NEDD9: variants seen among roughly 807,000 people sequenced by gnomAD.
The protein encoded by NEDD9 is neural precursor cell expressed, developmentally down-regulated 9.
A neutral mutation model predicts 76.6 loss-of-function variants in NEDD9; 26 were observed. The ratio of observed to expected loss-of-function variants is 0.34; its 90% CI spans 0.25 to 0.47. NEDD9 has a LOEUF of 0.47. NEDD9 is among the 20% of genes least tolerant of loss of function. The probability of loss-of-function intolerance (pLI) is 1.00; values close to 1 mark genes in which losing one functional copy is unlikely to be tolerated. For synonymous variants in NEDD9, 392 were observed against 414.2 expected (o/e 0.95, Z 0.65); for missense variants, 937 against 1,058.5 (o/e 0.89, Z 1.59).
At chr6:11,347,302 C>T (rs1421978968) in intron 1 of NEDD9, among the ~76,000 whole-genome samples, 1 of 151,806 alleles carries the variant, frequency 6.6e-6, no homozygotes, top group Non-Finnish European at 1.5e-5. Context: ...TCCTACAAAC[C>T]AAAAAAAGCC....
At chr6:11,319,648 CACATGCCACACACTA>C (rs1196054471) in intron 2 of NEDD9, among the ~76,000 whole-genome samples, 1 of 144,424 alleles carries the variant, frequency 6.9e-6, no homozygotes, top group African/African-American at 2.5e-5. Flanking sequence ...TGCACACTCA[CACATGCCACACACTA>C]ACATGCACAC....
At chr6:11,255,235 C>A (rs1277920988) in intron 3 of NEDD9, among the ~76,000 whole-genome samples, 5 of 152,158 alleles carry the variant, frequency 3.3e-5, no homozygotes, top group Non-Finnish European at 5.9e-5. Flanking sequence ...ACAGAACCAC[C>A]AAAGAGATGG....
Position 11,185,182 on chromosome 6 carries a change from G to C in NEDD9, c.2485C>G (p.Leu829Val), listed in dbSNP as rs147485494. The C allele has an allele frequency of 2.2e-5, 36 of 1,611,978 alleles. No individual in the cohort carries two copies. The African/African-American group carries it at 4.1e-4, about 19-fold the overall frequency. Residue 829 changes from leucine to valine, a missense_variant, in exon 7 of 7, where the codon CTG becomes GTG. Leu to Val is a conservative substitution (Grantham distance 32). Coordinates refer to ENST00000379446, the MANE Select transcript of NEDD9 (RefSeq NM_006403.4). Reference sequence around the variant, plus strand: ...TCTTCTCAGAACGTTGCCATCTCCAGCAAAGAGCGCTTGAACAGCTGGGCA... The same window carrying C: ...TCTTCTCAGAACGTTGCCATCTCCACCAAAGAGCGCTTGAACAGCTGGGCA... ...RNAQLFKRSL[L>V]EMATF
At chr6:11,197,016 G>A (rs992423376) in intron 2 of NEDD9, among the ~76,000 whole-genome samples, 1 of 152,016 alleles carries the variant, frequency 6.6e-6, no homozygotes, top group African/African-American at 2.4e-5. Flanking sequence ...CTTGCTGCGT[G>A]ACATAAGTAC....
chr6:11,331,688 A>G (rs987345173), intron 2 of NEDD9, among the ~76,000 whole-genome samples: 6 of 152,180 alleles, frequency 3.9e-5, no homozygotes, highest in African/African-American at 1.4e-4. Context: ...AAAATGCAAC[A>G]CTTAGACCTG....
intron 3 of NEDD9, among the ~76,000 whole-genome samples, chr6:11,239,360 G>T (rs1287557013): frequency 1.3e-5 from 2 of 152,068 alleles, no homozygotes; most frequent in African/African-American, 4.8e-5. Flanking sequence ...CACTTATGTA[G>T]GTGACTGAAC....
intron 1 of NEDD9, among the ~76,000 whole-genome samples, chr6:11,227,198 C>T (rs192093843): frequency 7.2e-4 from 109 of 152,292 alleles, no homozygotes; most frequent in African/African-American, 2.5e-3. Flanking sequence ...TCCAGGCCCA[C>T]AGAATACTCA....
intron 2 of NEDD9, among the ~76,000 whole-genome samples, chr6:11,325,416 G>A (rs747665691): frequency 5.3e-5 from 8 of 151,318 alleles, no homozygotes; most frequent in Non-Finnish European, 7.4e-5. Flanking sequence ...AATTAGTTTT[G>A]TGCAGCATTT....
At chr6:11,251,726 G>A (rs1002374849) in intron 3 of NEDD9, 1 of 152,250 alleles carries the variant, frequency 6.6e-6, no homozygotes, top group African/African-American at 2.4e-5. Context: ...TAGAATCAGA[G>A]CTACAAGAGG....
rs144948274 is a variant in NEDD9, at chr6:11,190,980, G to A, written c.889C>T (p.Leu297=). 2.2e-5 allele frequency: 36 copies of A among 1,613,918 alleles called. No individual in the cohort carries two copies. Among genetic ancestry groups the A allele is most frequent in the Non-Finnish European group, 3.0e-5 (35 of 1,180,018 alleles). The change falls in exon 5 of 7, where the codon CTG becomes TTG. Residue 297 remains leucine (L), a synonymous_variant. Transcript: ENST00000379446. This position sits in a 1 kb window ranked among gnomAD's most constrained non-coding sequence, Gnocchi z 5.8. ...TGCGGGGGTGGGTGATTCGGGGACAGGCTCTGGTGCCTTCGAGCCACCGGT... is the reference window on the plus strand; with the variant it reads ...TGCGGGGGTGGGTGATTCGGGGACAAGCTCTGGTGCCTTCGAGCCACCGGT... The part of the protein sequence containing the change: ...AEPVARRHQS[L]SPNHPPPQLG...
At chr6:11,329,761 G>T (rs911499473) in intron 2 of NEDD9, among the ~76,000 whole-genome samples, 8 of 151,262 alleles carry the variant, frequency 5.3e-5, no homozygotes, top group Non-Finnish European at 7.4e-5. Flanking sequence ...ACAACTGGGT[G>T]GGGGGGGCGG....
intron 3 of NEDD9, among the ~76,000 whole-genome samples, chr6:11,287,335 G>A (rs542821776): frequency 7.2e-4 from 109 of 152,324 alleles, no homozygotes; most frequent in Middle Eastern, 6.8e-3. Flanking sequence ...GGCTGAGGCA[G>A]GAGAATTGCT....
intron 5 of NEDD9, among the ~76,000 whole-genome samples, chr6:11,188,944 T>C (rs1758052040): frequency 8.5e-6 from 1 of 117,450 alleles, no homozygotes; most frequent in Non-Finnish European, 1.7e-5. Flanking sequence ...TGGATCTTGG[T>C]AGATTTTTTT....
intron 2 of NEDD9, among the ~76,000 whole-genome samples, chr6:11,312,572 G>A (rs1260033421): frequency 6.6e-6 from 1 of 151,900 alleles, no homozygotes; most frequent in Non-Finnish European, 1.5e-5. Flanking sequence ...AATGTCAACT[G>A]TGTCATGTGA....
intron 3 of NEDD9, among the ~76,000 whole-genome samples, chr6:11,257,106 TG>T (rs1760017604): frequency 1.3e-5 from 2 of 152,218 alleles, no homozygotes; most frequent in African/African-American, 4.8e-5. Context: ...AATACTCTTC[TG>T]GGGGACCATC....
intron 2 of NEDD9, among the ~76,000 whole-genome samples, chr6:11,333,431 C>T (rs1217467888): frequency 2.0e-5 from 3 of 152,318 alleles, no homozygotes; most frequent in Non-Finnish European, 1.5e-5. Context: ...GAAATGAATA[C>T]GCTTTATTAT....
intron 1 of NEDD9, among the ~76,000 whole-genome samples, chr6:11,225,230 C>T (rs752888949): frequency 1.1e-4 from 17 of 152,212 alleles, no homozygotes; most frequent in Admixed American, 2.0e-4. Flanking sequence ...ATCTTTGTTT[C>T]CTGTGGGCAT....
rs59651160 is a variant in NEDD9 at position 11,199,637 on chromosome 6, C to CTTTTTTTTTTT, written c.460-5956_460-5946dup. The CTTTTTTTTTTT allele has an allele frequency of 3.7e-4, 16 of 43,144 alleles. 2 individuals are homozygous for CTTTTTTTTTTT. The highest frequency in any genetic ancestry group is 7.4e-4 in the Admixed American group (2 of 2,694). The allele number at this position is 43,144 out of a possible 1,614,324, so 2.7% of individuals were successfully genotyped here. ...AAAATGAAGAAAAGCTAGGAAAGAT[C>CTTTTTTTTTTT]TTTTTTTTTTTTTTTTTTTTTTTTT... is the stretch of plus-strand genomic sequence containing the variant. On this transcript the variant is annotated intron_variant, in intron 2 of 6. Coordinates refer to ENST00000379446, the MANE Select transcript of NEDD9 (RefSeq NM_006403.4).
At chr6:11,211,244 C>T (rs569918797) in intron 2 of NEDD9, among the ~76,000 whole-genome samples, 12 of 152,290 alleles carry the variant, frequency 7.9e-5, no homozygotes, top group South Asian at 2.1e-4. Flanking sequence ...AAGATGAGTC[C>T]GTATCTCTGC....
Sources: gnomAD v4.1 joint callset for allele counts (sites outside exome capture counted in the v4.1 genomes callset) on GRCh38, gnomAD v4.1.1 for gene constraint, Gnocchi (gnomAD v3.1) non-coding constraint, MANE v1.5 for transcripts, NCBI Gene and HGNC (gene_info 2026-07-23, HGNC 2026-07-21) for gene names.